Variants in COXFA4L3 observed in about 807,000 individuals in gnomAD.
COXFA4L3 encodes cytochrome c oxidase associated subunit FA4L3, also known as MIR147B host.
the COXFA4L3 span, chr15:45,432,927 T>A: frequency 4.7e-5 from 75 of 1,580,180 alleles, 2 homozygotes; most frequent in African/African-American, 9.1e-4. Context: ...AGGTTTTTTT[T>A]TTTTCCTTTT....
chr15:45,430,778 A>G, the COXFA4L3 span: 21 of 1,607,794 alleles, frequency 1.3e-5, no homozygotes, highest in African/African-American at 2.7e-5. Context: ...AGATTTGGCA[A>G]TTCTTCGCTG....
chr15:45,433,098 G>T, the COXFA4L3 span: 18 of 1,372,134 alleles, frequency 1.3e-5, 1 homozygote, highest in South Asian at 2.1e-4. Flanking sequence ...CTGGACACCA[G>T]TGTGCGGAAA....
At chr15:45,432,016 CA>C in the COXFA4L3 span, 1 of 1,441,870 alleles carries the variant, frequency 6.9e-7, no homozygotes, top group Non-Finnish European at 9.7e-7. Context: ...AACCCAGTAT[CA>C]GTGTTGGTTT....
At chr15:45,431,173 C>A in the COXFA4L3 span, 1 of 1,162,886 alleles carries the variant, frequency 8.6e-7, no homozygotes, top group Non-Finnish European at 1.2e-6. Flanking sequence ...CTATTTTTTT[C>A]CCATGGATGA....
At chr15:45,431,273 T>C in the COXFA4L3 span, 1 of 431,508 alleles carries the variant, frequency 2.3e-6, no homozygotes, top group East Asian at 3.5e-5. Flanking sequence ...GGTCAGAAAA[T>C]GAAAATTAGA....
At chr15:45,430,872 T>A in the COXFA4L3 span, 1 of 1,591,872 alleles carries the variant, frequency 6.3e-7, no homozygotes, top group Non-Finnish European at 8.6e-7. Context: ...ACTAAAGTTT[T>A]CATTTTTAAA....
the COXFA4L3 span, chr15:45,431,067 C>T: frequency 6.2e-7 from 1 of 1,613,982 alleles, no homozygotes; most frequent in South Asian, 1.1e-5. Context: ...TGTGTATTCT[C>T]TTTGGAAAAC....
At chr15:45,431,291 AAG>A in the COXFA4L3 span, 1,089 of 422,668 alleles carry the variant, frequency 2.6e-3, 2 homozygotes, top group Middle Eastern at 0.019. Context: ...AGAAAAAAAA[AAG>A]AAAAAATTTA....
chr15:45,431,026 C>T, the COXFA4L3 span: 1 of 1,614,164 alleles, frequency 6.2e-7, no homozygotes, highest in Non-Finnish European at 8.5e-7. Flanking sequence ...GTGTTCATGA[C>T]TGTGGCGGCG....
the COXFA4L3 span, chr15:45,431,101 A>G: frequency 1.1e-5 from 17 of 1,604,444 alleles, no homozygotes; most frequent in South Asian, 9.0e-5. Context: ...GTAGGTCTCA[A>G]TTTATAAAAA....
chr15:45,431,070 TG>T, the COXFA4L3 span: 1 of 1,613,950 alleles, frequency 6.2e-7, no homozygotes, highest in African/African-American at 1.3e-5. Flanking sequence ...GTATTCTCTT[TG>T]GAAAACCGAT....
chr15:45,432,249 T>G, the COXFA4L3 span: 1 of 799,254 alleles, frequency 1.3e-6, no homozygotes, highest in South Asian at 1.8e-5. Flanking sequence ...TGTGCCTTCA[T>G]CGAGTAATTA....
the COXFA4L3 span, chr15:45,430,960 T>A: frequency 2.5e-6 from 4 of 1,592,220 alleles, no homozygotes; most frequent in Non-Finnish European, 3.4e-6. Context: ...TGTTTCATAT[T>A]GAAGTGTCCA....
chr15:45,431,248 T>C, the COXFA4L3 span: 1 of 502,310 alleles, frequency 2.0e-6, no homozygotes, highest in Non-Finnish European at 3.5e-6. Context: ...ACTCTTATGA[T>C]ATTGTCTACC....
At chr15:45,431,412 T>A in the COXFA4L3 span, 5 of 209,964 alleles carry the variant, frequency 2.4e-5, no homozygotes, top group Non-Finnish European at 4.7e-5. Context: ...TTTTTTTTTT[T>A]AAGTTTTGAA....
the COXFA4L3 span, chr15:45,430,872 T>C: frequency 6.3e-7 from 1 of 1,591,872 alleles, no homozygotes; most frequent in South Asian, 1.1e-5. Flanking sequence ...ACTAAAGTTT[T>C]CATTTTTAAA....
At chr15:45,431,967 C>A in the COXFA4L3 span, 1 of 886,866 alleles carries the variant, frequency 1.1e-6, no homozygotes, top group Non-Finnish European at 1.8e-6. Flanking sequence ...CAGACACATG[C>A]CTTAGTATGA....
At chr15:45,431,274 G>T in the COXFA4L3 span, 3 of 403,208 alleles carry the variant, frequency 7.4e-6, no homozygotes, top group East Asian at 3.7e-5. Flanking sequence ...GTCAGAAAAT[G>T]AAAATTAGAA....
the COXFA4L3 span, chr15:45,431,330 A>T: frequency 2.5e-6 from 1 of 399,712 alleles, no homozygotes. Context: ...TAATCAAATT[A>T]GTTTATTTCT....
Sources: gnomAD v4.1 joint callset for allele counts on GRCh38, gnomAD v4.1.1 for gene constraint, MANE v1.5 for transcripts, NCBI Gene and HGNC (gene_info 2026-07-23, HGNC 2026-07-21) for gene names.